The following MICAL2 variants were observed in gnomAD, a reference collection of about 807,000 sequenced individuals.
The protein encoded by MICAL2 is microtubule associated monooxygenase, calponin and LIM domain containing 2, also known as [F-actin]-monooxygenase MICAL2.
Under a neutral mutation model 127.3 loss-of-function variants are expected in MICAL2, and 77 were observed. That is an observed-to-expected ratio of 0.60 (90% CI 0.50 to 0.73). The LOEUF (loss-of-function observed/expected upper bound fraction) is 0.73. Among genes scored for constraint, MICAL2 ranks in the 30% least tolerant of loss-of-function variants. The pLI, the probability that MICAL2 is intolerant of heterozygous loss-of-function variation, is 0.00. For synonymous variants in MICAL2, 570 were observed against 551.1 expected, an observed-to-expected ratio of 1.03 and a Z score of -0.48; for missense variants, 1,351 against 1,434.4, an observed-to-expected ratio of 0.94 and a Z score of 0.94.
chr11:12,128,962 T>C (rs1351266759), intron 1 of MICAL2, among the ~76,000 whole-genome samples: 1 of 152,238 alleles, frequency 6.6e-6, no homozygotes, highest in Non-Finnish European at 1.5e-5. Context: ...TGTTAACAAT[T>C]CTTATATTAT....
At chr11:12,137,636 CTG>C (rs1414108050) in intron 1 of MICAL2, among the ~76,000 whole-genome samples, 1 of 152,048 alleles carries the variant, frequency 6.6e-6, no homozygotes, top group African/African-American at 2.4e-5. Context: ...GGGCACCACT[CTG>C]TTGAACAAAG....
intron 3 of MICAL2, among the ~76,000 whole-genome samples, chr11:12,201,925 C>T (rs1266029275): frequency 1.3e-5 from 2 of 152,166 alleles, no homozygotes; most frequent in African/African-American, 4.8e-5. Flanking sequence ...TCAAGACCAG[C>T]CTGACCAACA....
chr11:12,272,069 A>G (rs1475385168), upstream of MICAL2, among the ~76,000 whole-genome samples: 1 of 152,202 alleles, frequency 6.6e-6, no homozygotes, highest in Non-Finnish European at 1.5e-5. Context: ...AGCCAGGCTG[A>G]GCCCTGGCCT....
chr11:12,303,174 G>A (rs1864068541), intron 29 of MICAL2, among the ~76,000 whole-genome samples: 1 of 152,154 alleles, frequency 6.6e-6, no homozygotes, highest in African/African-American at 2.4e-5. Flanking sequence ...GGGGATTATG[G>A]GGATTACAGT....
At position 12,220,378 on chromosome 11, in the gene MICAL2, G is replaced by A; in HGVS notation, c.1126G>A (p.Ala376Thr). 1 of 1,614,196 alleles carries A rather than the reference G, an allele frequency of 6.2e-7. No homozygotes were observed. Among genetic ancestry groups the A allele is most frequent in the Non-Finnish European group, 8.5e-7 (1 of 1,180,046 alleles). The change falls in exon 9 of 28, where the codon GCC (alanine) becomes ACC (threonine). Residue 376 changes from alanine to threonine, a missense_variant. By Grantham distance (58) the Ala-to-Thr change is moderately conservative. Coordinates refer to ENST00000683283, the MANE Select transcript of MICAL2 (RefSeq NM_001282663.2). ...CATGTTTGACTTTACCTGCATGTAT[G>A]CCTCAGAGAACGCGGCCCTGGTGCG... Reference protein sequence around the residue: ...VAMFDFTCMYASENAALVRER... With the variant: ...VAMFDFTCMYTSENAALVRER...
chr11:12,241,680 A>G (rs945552197), intron 18 of MICAL2, among the ~76,000 whole-genome samples: 4 of 152,180 alleles, frequency 2.6e-5, no homozygotes, highest in Non-Finnish European at 2.9e-5. Context: ...AGTGCTCCTG[A>G]GTTTGGAATC....
chr11:12,155,673 C>T (rs994963846), intron 2 of MICAL2, among the ~76,000 whole-genome samples: 1 of 152,158 alleles, frequency 6.6e-6, no homozygotes, highest in Non-Finnish European at 1.5e-5. Flanking sequence ...CTTTTTAAGG[C>T]CTTTGCTTTT....
chr11:12,113,559 G>A (rs1022755064), intron 1 of MICAL2, among the ~76,000 whole-genome samples: 5 of 152,182 alleles, frequency 3.3e-5, no homozygotes, highest in African/African-American at 4.8e-5. Flanking sequence ...CCTTATCCGC[G>A]GTTTCACCTT....
At chr11:12,212,910 TA>T (rs1212804111) in intron 6 of MICAL2, among the ~76,000 whole-genome samples, 6 of 152,230 alleles carry the variant, frequency 3.9e-5, no homozygotes, top group Admixed American at 3.9e-4. Context: ...TTTCATCCTA[TA>T]AATTCAAAGT....
rs186256931 is a variant in MICAL2 at position 12,116,230 on chromosome 11, G to A, written c.-149+5504G>A. On this transcript the variant is annotated intron_variant, in intron 1 of 27. Coordinates refer to ENST00000683283, the MANE Select transcript of MICAL2 (RefSeq NM_001282663.2). The stretch of plus-strand genomic sequence containing the variant: ...CCTGACCTCGTGATCCACCTGCCTC[G>A]GCCTCCCAAAGTGCTGGGATTATAG... 8.1e-3 allele frequency among the ~76,000 whole-genome samples: 1,230 copies of A among 151,308 alleles called. 9 individuals are homozygous for A. Among genetic ancestry groups the A allele is most frequent in the Non-Finnish European group, 0.015 (988 of 67,868 alleles).
intron 30 of MICAL2, among the ~76,000 whole-genome samples, chr11:12,320,135 C>T (rs574357090): frequency 3.0e-4 from 45 of 152,268 alleles, no homozygotes; most frequent in African/African-American, 1.1e-3. Context: ...TTACAACAAG[C>T]AGATGCATAT....
chr11:12,241,816 G>A (rs2134473840), intron 18 of MICAL2, among the ~76,000 whole-genome samples: 1 of 152,316 alleles, frequency 6.6e-6, no homozygotes, highest in Middle Eastern at 3.4e-3. Flanking sequence ...CAATTTTTAT[G>A]TCTGTCTGCC....
chr11:12,291,638 T>A (rs2134783488), downstream of MICAL2, among the ~76,000 whole-genome samples: 1 of 152,318 alleles, frequency 6.6e-6, no homozygotes, highest in African/African-American at 2.4e-5. Context: ...CTCAAACGAC[T>A]CTTCCTGTCT....
intron 2 of MICAL2, among the ~76,000 whole-genome samples, chr11:12,283,318 A>G (rs563397225): frequency 6.6e-6 from 1 of 150,750 alleles, no homozygotes; most frequent in East Asian, 2.0e-4. Context: ...TGCTTTGAAA[A>G]GACTCCTGGT....
chr11:12,294,052 G>A (rs773341211), downstream of MICAL2: 1 of 1,614,004 alleles, frequency 6.2e-7, no homozygotes, highest in African/African-American at 1.3e-5. Flanking sequence ...TCAAAGCTGG[G>A]GAGCGAATTT....
At chr11:12,289,998 G>A (rs1251956216), downstream of MICAL2, among the ~76,000 whole-genome samples, 2 of 152,224 alleles carry the variant, frequency 1.3e-5, no homozygotes, top group Admixed American at 6.5e-5. Context: ...TGGTATGTGT[G>A]TGAAGGAGTG....
intron 2 of MICAL2, among the ~76,000 whole-genome samples, chr11:12,156,241 T>C (rs1854173766): frequency 6.6e-6 from 1 of 152,136 alleles, no homozygotes; most frequent in Non-Finnish European, 1.5e-5. Context: ...TTGGGTGCTC[T>C]TTCATTGGCC....
chr11:12,285,451 G>C (rs879883538), intron 2 of MICAL2, among the ~76,000 whole-genome samples: 2 of 152,194 alleles, frequency 1.3e-5, no homozygotes, highest in Non-Finnish European at 2.9e-5. Context: ...TCTGGGGAAA[G>C]GGCTGTTATC....
chr11:12,267,444 C>T (rs1590714826), downstream of MICAL2, among the ~76,000 whole-genome samples: 1 of 152,128 alleles, frequency 6.6e-6, no homozygotes, highest in East Asian at 1.9e-4. Flanking sequence ...ACACGAAATC[C>T]ATTAGCAAAT....
Sources: gnomAD v4.1 joint callset for allele counts (sites outside exome capture counted in the v4.1 genomes callset) on GRCh38, gnomAD v4.1.1 for gene constraint, MANE v1.5 for transcripts, NCBI Gene and HGNC (gene_info 2026-07-23, HGNC 2026-07-21) for gene names.